The following UBE2H variants were observed in gnomAD, a reference collection of about 807,000 sequenced individuals.
The protein encoded by UBE2H is ubiquitin-conjugating enzyme E2 H.
A neutral mutation model predicts 29.0 loss-of-function variants in UBE2H; 3 were observed. The ratio of observed to expected loss-of-function variants is 0.10; its 90% CI spans 0.05 to 0.27. The LOEUF (loss-of-function observed/expected upper bound fraction) is 0.27. Among genes scored for constraint, UBE2H ranks in the 10% least tolerant of loss-of-function variants. The pLI, the probability that UBE2H is intolerant of heterozygous loss-of-function variation, is 1.00. For missense variants in UBE2H, 68 were observed against 228.2 expected (o/e 0.30, Z 4.52); for synonymous variants, 69 against 82.9 (o/e 0.83, Z 0.91).
intron 3 of UBE2H, among the ~76,000 whole-genome samples, chr7:129,868,912 G>A (rs1805970395): frequency 6.8e-6 from 1 of 147,330 alleles, no homozygotes; most frequent in African/African-American, 2.5e-5. Flanking sequence ...CCATACTCCT[G>A]ACACCCGGGT....
At chr7:129,931,132 C>T (rs1351350904) in intron 1 of UBE2H, among the ~76,000 whole-genome samples, 1 of 150,914 alleles carries the variant, frequency 6.6e-6, no homozygotes, top group African/African-American at 2.4e-5. Context: ...GCAGGAGAAT[C>T]GCTTGAACCC....
rs1420403896 is a variant in UBE2H, at chr7:129,834,730, G to A, written c.*207C>T. 6.8e-5 allele frequency: 37 copies of A among 542,600 alleles called. No individual in the cohort carries two copies. The highest frequency in any genetic ancestry group is 1.2e-5 in the Non-Finnish European group (4 of 328,684). The allele number at this position is 542,600 out of a possible 1,614,324, so 33.6% of individuals were successfully genotyped here. ...ACCGCATATTGCTACCAAATGGAAT[G>A]TGGGAATATGCTATGCACCTCAGGT... On this transcript the variant is annotated 3_prime_UTR_variant, in exon 7 of 7. Transcript: ENST00000355621.
chr7:129,884,704 A>AC (rs1363757311), intron 1 of UBE2H, among the ~76,000 whole-genome samples: 2 of 149,336 alleles, frequency 1.3e-5, no homozygotes, highest in African/African-American at 4.9e-5. Flanking sequence ...TCCCACCTCT[A>AC]CTTCCCCCTA....
intron 3 of UBE2H, chr7:129,865,206 T>C (rs1246279447): frequency 3.3e-6 from 1 of 301,296 alleles, no homozygotes; most frequent in African/African-American, 2.2e-5. Context: ...GAATAACAAA[T>C]CTCATGACCC....
At chr7:129,886,713 T>C (rs1488771302) in intron 1 of UBE2H, among the ~76,000 whole-genome samples, 1 of 134,170 alleles carries the variant, frequency 7.5e-6, no homozygotes, top group Non-Finnish European at 1.5e-5. Flanking sequence ...TGAGTCACAC[T>C]AGGAAAGCTG....
At chr7:129,870,009 T>C (rs1805996341) in intron 3 of UBE2H, among the ~76,000 whole-genome samples, 1 of 152,212 alleles carries the variant, frequency 6.6e-6, no homozygotes, top group South Asian at 2.1e-4. Context: ...CTCTCTCCTC[T>C]AGTTCTTTCA....
chr7:129,936,804 G>GAAAAAA (rs1171897255), intron 1 of UBE2H, among the ~76,000 whole-genome samples: 1 of 78,022 alleles, frequency 1.3e-5, no homozygotes, highest in Non-Finnish European at 2.6e-5. Flanking sequence ...TCTCTACTAG[G>GAAAAAA]AAAAAAAAAA....
rs953341485 is a variant in UBE2H at position 129,831,771 on chromosome 7, G to A, written c.*3166C>T. 6.6e-5 allele frequency: 10 copies of A among 152,282 alleles called. No homozygotes were observed. The highest frequency in any genetic ancestry group is 1.7e-4 in the African/African-American group (7 of 41,558). 9.4% of individuals were successfully genotyped at this position (152,282 alleles called of 1,614,324 possible). ...CTGACCCTGTGCCCAAAAGCCCCCC[G>A]GTGCTGGGGCTTCCAGAGGGAGCCC... On this transcript the variant is annotated 3_prime_UTR_variant, in exon 7 of 7. Coordinates refer to ENST00000355621, the MANE Select transcript of UBE2H (RefSeq NM_003344.4).
At chr7:129,910,426 G>A (rs551416957) in intron 1 of UBE2H, among the ~76,000 whole-genome samples, 39 of 151,608 alleles carry the variant, frequency 2.6e-4, no homozygotes, top group African/African-American at 7.7e-4. Context: ...GGAGGGGAGA[G>A]GCATACAGCA....
intron 1 of UBE2H, among the ~76,000 whole-genome samples, chr7:129,919,100 TAAA>T (rs1204331286): frequency 1.4e-4 from 10 of 72,148 alleles, no homozygotes; most frequent in East Asian, 1.0e-3. Flanking sequence ...AAAAACAAAG[TAAA>T]AAAAAAAAAA....
chr7:129,872,592 A>G (rs560129363), intron 3 of UBE2H, among the ~76,000 whole-genome samples: 6 of 152,234 alleles, frequency 3.9e-5, no homozygotes, highest in African/African-American at 1.4e-4. Flanking sequence ...CTGTAATCTC[A>G]GCACTGTGGG....
intron 1 of UBE2H, among the ~76,000 whole-genome samples, chr7:129,896,923 G>A (rs923274183): frequency 2.0e-5 from 3 of 152,182 alleles, no homozygotes; most frequent in African/African-American, 7.2e-5. Context: ...AGTTACCTCT[G>A]TAGAGTGGTG....
At chr7:129,909,200 T>C (rs1056039783) in intron 1 of UBE2H, among the ~76,000 whole-genome samples, 2 of 152,026 alleles carry the variant, frequency 1.3e-5, no homozygotes, top group Admixed American at 1.3e-4. Context: ...AACTATGTAA[T>C]ATAAGGAGCA....
At chr7:129,836,465 C>T (rs927141576) in intron 6 of UBE2H, among the ~76,000 whole-genome samples, 1 of 152,126 alleles carries the variant, frequency 6.6e-6, no homozygotes, top group Non-Finnish European at 1.5e-5. Flanking sequence ...GAAAAACGGC[C>T]GAGGCAGTCC....
chr7:129,936,843 T>G (rs1161439667), intron 1 of UBE2H, among the ~76,000 whole-genome samples: 3 of 142,030 alleles, frequency 2.1e-5, no homozygotes, highest in African/African-American at 7.9e-5. Flanking sequence ...CCAGGTGTGG[T>G]GGCAGGCGCC....
At chr7:129,919,720 C>A (rs1056332908) in intron 1 of UBE2H, among the ~76,000 whole-genome samples, 10 of 152,164 alleles carry the variant, frequency 6.6e-5, no homozygotes, top group Non-Finnish European at 1.5e-4. Context: ...TCATCTCTCT[C>A]CTAGAATGCA....
chr7:129,867,769 G>A (rs1483629591), intron 3 of UBE2H, among the ~76,000 whole-genome samples: 4 of 76,758 alleles, frequency 5.2e-5, no homozygotes, highest in Admixed American at 1.3e-4. Flanking sequence ...TGATGTGCAA[G>A]CAAAAATTAG....
At chr7:129,920,213 ATATT>A (rs1167692740) in intron 1 of UBE2H, among the ~76,000 whole-genome samples, 3 of 152,124 alleles carry the variant, frequency 2.0e-5, no homozygotes, top group Admixed American at 6.5e-5. Flanking sequence ...TTACATGTAA[ATATT>A]TATGCATATA....
chr7:129,920,997 TC>T (rs1290725366), intron 1 of UBE2H, among the ~76,000 whole-genome samples: 1 of 14,456 alleles, frequency 6.9e-5, no homozygotes, highest in Non-Finnish European at 6.7e-4. Context: ...ACTCTCTGCC[TC>T]TAAAAAAAAA....
Sources: gnomAD v4.1 joint callset for allele counts (sites outside exome capture counted in the v4.1 genomes callset) on GRCh38, gnomAD v4.1.1 for gene constraint, MANE v1.5 for transcripts, NCBI Gene and HGNC (gene_info 2026-07-23, HGNC 2026-07-21) for gene names.